Variants in AFF3 observed in about 807,000 individuals in gnomAD.
AFF3 encodes AF4/FMR2 family member 3.
A neutral mutation model predicts 129.7 loss-of-function variants in AFF3; 32 were observed. The observed-to-expected ratio is 0.25, with a 90% CI of 0.19 to 0.33. The LOEUF is 0.33. AFF3 is among the 10% of genes least tolerant of loss of function. The pLI, the probability that AFF3 is intolerant of heterozygous loss-of-function variation, is 1.00. For missense variants in AFF3, 1,373 were observed against 1,592.0 expected, an observed-to-expected ratio of 0.86 and a Z score of 2.34; for synonymous variants, 644 against 635.4, an observed-to-expected ratio of 1.01 and a Z score of -0.20.
chr2:100,067,354 A>G (rs1300780533), intron 4 of AFF3, among the ~76,000 whole-genome samples: 1 of 152,166 alleles, frequency 6.6e-6, no homozygotes, highest in Non-Finnish European at 1.5e-5. Context: ...TTCCTTCCTG[A>G]GAACAAATGG....
chr2:99,581,995 C>T (rs943517764), intron 17 of AFF3, among the ~76,000 whole-genome samples: 11 of 151,732 alleles, frequency 7.2e-5, no homozygotes, highest in Non-Finnish European at 5.9e-5. Context: ...GCTGGGACTA[C>T]AGGCGCCTGC....
At chr2:99,729,201 A>G (rs1370699523) in intron 10 of AFF3, among the ~76,000 whole-genome samples, 3 of 152,204 alleles carry the variant, frequency 2.0e-5, no homozygotes, top group Non-Finnish European at 4.4e-5. Context: ...TAAAATTCCC[A>G]AACAATTTAT....
At chr2:100,113,886 G>C (rs1238947930) in intron 2 of AFF3, among the ~76,000 whole-genome samples, 1 of 151,976 alleles carries the variant, frequency 6.6e-6, no homozygotes, top group African/African-American at 2.4e-5. Flanking sequence ...GAGGTGGGGG[G>C]GTTGTAGAAG....
chr2:99,752,795 C>T (rs568689855), intron 8 of AFF3, among the ~76,000 whole-genome samples: 26 of 152,316 alleles, frequency 1.7e-4, no homozygotes, highest in Non-Finnish European at 2.8e-4. Flanking sequence ...AAATGTCATT[C>T]ACGGAGAGTG....
intron 8 of AFF3, among the ~76,000 whole-genome samples, chr2:99,809,533 A>G (rs1686627592): frequency 6.6e-6 from 1 of 152,198 alleles, no homozygotes; most frequent in African/African-American, 2.4e-5. Flanking sequence ...AGTGAATTGG[A>G]AAGCTGGAAT....
chr2:99,674,110 T>C (rs748151261), intron 11 of AFF3, among the ~76,000 whole-genome samples: 1 of 152,206 alleles, frequency 6.6e-6, no homozygotes, highest in Non-Finnish European at 1.5e-5. Context: ...CAAATCTGCT[T>C]CCTCACAGGC....
chr2:99,705,771 G>A (rs1677299805), intron 11 of AFF3, among the ~76,000 whole-genome samples: 1 of 150,948 alleles, frequency 6.6e-6, no homozygotes, highest in Admixed American at 6.6e-5. Context: ...TTACTCAGGA[G>A]GCTGAGGCAG....
chr2:100,031,147 A>C (rs749648515), intron 4 of AFF3, among the ~76,000 whole-genome samples: 3 of 152,210 alleles, frequency 2.0e-5, no homozygotes, highest in Non-Finnish European at 2.9e-5. Flanking sequence ...AGACAAAAGG[A>C]ACTTCATATA....
At chr2:100,060,760 C>T (rs1687206089) in intron 4 of AFF3, among the ~76,000 whole-genome samples, 1 of 152,118 alleles carries the variant, frequency 6.6e-6, no homozygotes, top group African/African-American at 2.4e-5. Context: ...GTACATCTGT[C>T]ACAATGAGGG....
chr2:100,023,390 T>C (rs758038641), intron 4 of AFF3, among the ~76,000 whole-genome samples: 9 of 152,310 alleles, frequency 5.9e-5, no homozygotes, highest in Admixed American at 2.6e-4. Context: ...AGTGTCAACA[T>C]TGTCCTTTTG....
chr2:99,740,223 T>C (rs1034104101), intron 10 of AFF3, among the ~76,000 whole-genome samples: 5 of 150,478 alleles, frequency 3.3e-5, no homozygotes, highest in Non-Finnish European at 5.9e-5. Context: ...TGTTGGACAT[T>C]TGGGTTGGTT....
intron 7 of AFF3, among the ~76,000 whole-genome samples, chr2:99,862,366 G>A (rs1372226387): frequency 1.3e-5 from 2 of 152,074 alleles, no homozygotes; most frequent in South Asian, 2.1e-4. Flanking sequence ...CTACTTACTG[G>A]GGCCAAAATG....
At chr2:99,864,547 T>C (rs558994556) in intron 7 of AFF3, among the ~76,000 whole-genome samples, 3 of 152,306 alleles carry the variant, frequency 2.0e-5, no homozygotes, top group Admixed American at 2.0e-4. Context: ...AGGCTACCAT[T>C]GTCATGAAAA....
At chr2:99,840,687 G>A (rs1394125879) in intron 7 of AFF3, among the ~76,000 whole-genome samples, 1 of 152,100 alleles carries the variant, frequency 6.6e-6, no homozygotes, top group African/African-American at 2.4e-5. Context: ...CCACAGGACT[G>A]CTCTGGAAAC....
At chr2:99,977,274 A>G (rs1678988202) in intron 7 of AFF3, among the ~76,000 whole-genome samples, 1 of 152,122 alleles carries the variant, frequency 6.6e-6, no homozygotes, top group South Asian at 2.1e-4. Flanking sequence ...CATCTCTCCA[A>G]TGCTGGGTAG....
At chr2:99,904,078 A>G (rs911433779) in intron 7 of AFF3, among the ~76,000 whole-genome samples, 2 of 152,048 alleles carry the variant, frequency 1.3e-5, no homozygotes, top group African/African-American at 2.4e-5. Context: ...TCCTGGGCTC[A>G]TGAGTATGAA....
chr2:99,854,871 A>G (rs1276477410), intron 7 of AFF3, among the ~76,000 whole-genome samples: 1 of 152,234 alleles, frequency 6.6e-6, no homozygotes, highest in East Asian at 1.9e-4. Flanking sequence ...GATGAAAATG[A>G]TTTGTCAAAA....
At chr2:99,694,828 T>G (rs1275508838) in intron 11 of AFF3, among the ~76,000 whole-genome samples, 1 of 152,080 alleles carries the variant, frequency 6.6e-6, no homozygotes, top group African/African-American at 2.4e-5. Flanking sequence ...TGACTCAGCC[T>G]CCTAAGTAGC....
At chr2:99,742,860 C>A (rs552704330) in intron 10 of AFF3, among the ~76,000 whole-genome samples, 218 of 152,312 alleles carry the variant, frequency 1.4e-3, no homozygotes, top group African/African-American at 4.8e-3. Flanking sequence ...ATTTCCTTTG[C>A]TCTTCTGTCT....
Sources: gnomAD v4.1 joint callset for allele counts (sites outside exome capture counted in the v4.1 genomes callset) on GRCh38, gnomAD v4.1.1 for gene constraint, MANE v1.5 for transcripts, NCBI Gene and HGNC (gene_info 2026-07-23, HGNC 2026-07-21) for gene names.